KATNIP: variants seen among roughly 807,000 people sequenced by gnomAD.
KATNIP encodes katanin-interacting protein.
KATNIP carries 126 observed loss-of-function variants against 174.0 expected under a neutral mutation model. That is an observed-to-expected ratio of 0.72 (90% confidence interval 0.63 to 0.84). The LOEUF is 0.84. Ranked by LOEUF, KATNIP falls within the 40% of genes least tolerant of loss-of-function variation. The pLI, the probability that KATNIP is intolerant of heterozygous loss-of-function variation, is 0.00. For missense variants in KATNIP, 1,958 were observed against 2,109.7 expected, an observed-to-expected ratio of 0.93 and a Z score of 1.41; for synonymous variants, 810 against 835.7, an observed-to-expected ratio of 0.97 and a Z score of 0.53.
intron 6 of KATNIP, among the ~76,000 whole-genome samples, chr16:27,668,188 T>A (rs2077754035): frequency 6.6e-6 from 1 of 152,190 alleles, no homozygotes; most frequent in African/African-American, 2.4e-5. Flanking sequence ...GGAATAAACA[T>A]GATCACATGG....
intron 2 of KATNIP, among the ~76,000 whole-genome samples, chr16:27,581,091 C>G (rs1246526968): frequency 6.6e-6 from 1 of 151,972 alleles, no homozygotes; most frequent in African/African-American, 2.4e-5. Context: ...TGTATGTGTA[C>G]AGCAAAATAT....
At chr16:27,550,363 C>T (rs1180407959) in intron 1 of KATNIP, among the ~76,000 whole-genome samples, 186 bp downstream of exon 1, 1 of 152,066 alleles carries the variant, frequency 6.6e-6, no homozygotes, top group Non-Finnish European at 1.5e-5. Context: ...GGGGAGTGGT[C>T]AGTGCTGTGA....
intron 2 of KATNIP, among the ~76,000 whole-genome samples, chr16:27,595,452 A>G (rs187869878): frequency 4.1e-4 from 62 of 152,298 alleles, no homozygotes; most frequent in Non-Finnish European, 7.5e-4. Flanking sequence ...AGTGTGGGGG[A>G]CCAGCAAGTT....
intron 8 of KATNIP, among the ~76,000 whole-genome samples, chr16:27,696,722 A>C (rs926530668): frequency 1.4e-5 from 2 of 143,632 alleles, no homozygotes; most frequent in East Asian, 4.0e-4. Flanking sequence ...AGTATTCCAC[A>C]TTTTTTTTCT....
chr16:27,708,604 T>G, intron 12 of KATNIP, 101 bp from the exon 13 acceptor site: 1 of 818,334 alleles, frequency 1.2e-6, no homozygotes, highest in South Asian at 1.7e-5. Flanking sequence ...ACTGAGACCC[T>G]GAAGGTTAAC....
intron 2 of KATNIP, among the ~76,000 whole-genome samples, chr16:27,604,220 T>C (rs1407952301): frequency 6.6e-6 from 1 of 152,202 alleles, no homozygotes; most frequent in Non-Finnish European, 1.5e-5. Flanking sequence ...CGCCTCAGCC[T>C]CCCAAGTAGC....
chr16:27,766,277 G>A (rs771747880), intron 19 of KATNIP, 32 bp from the exon 20 acceptor site: 30 of 1,608,500 alleles, frequency 1.9e-5, no homozygotes, highest in Admixed American at 8.4e-5. Context: ...CCACTGAGCC[G>A]CCCCCCTGCC....
chr16:27,697,109 T>A (rs1490361201), intron 8 of KATNIP, among the ~76,000 whole-genome samples: 1 of 152,224 alleles, frequency 6.6e-6, no homozygotes, highest in Non-Finnish European at 1.5e-5. Flanking sequence ...TAGTGCTAGA[T>A]GAACAGACAT....
intron 10 of KATNIP, among the ~76,000 whole-genome samples, chr16:27,701,208 A>T (rs1450954090): frequency 1.3e-5 from 2 of 151,906 alleles, no homozygotes; most frequent in Non-Finnish European, 2.9e-5. Flanking sequence ...CCCAGGCTGG[A>T]GTGCAGTGGC....
intron 13 of KATNIP, among the ~76,000 whole-genome samples, chr16:27,720,793 C>T (rs191175796): frequency 2.6e-5 from 4 of 152,226 alleles, no homozygotes; most frequent in South Asian, 2.1e-4. Flanking sequence ...CCAGCGTGGA[C>T]GCGTTTGGGA....
rs1304289449 is a variant in KATNIP at position 27,779,759 on chromosome 16, G to A, written c.*1130G>A. 2.6e-5 allele frequency: 4 copies of A among 152,054 alleles called. No individual in the cohort carries two copies. Among genetic ancestry groups the A allele is most frequent in the Admixed American group, 2.6e-4 (4 of 15,264 alleles). 9.4% of individuals were successfully genotyped at this position (152,054 alleles called of 1,614,324 possible). On this transcript the variant is annotated 3_prime_UTR_variant, in exon 28 of 28. Transcript: ENST00000261588. ...CTATATGCATCGATGTAACAAGCTC[G>A]GATCAGGGACCTAATTGGTTTCCCA...
chr16:27,566,123 T>C (rs1355052652), intron 1 of KATNIP, among the ~76,000 whole-genome samples: 2 of 151,702 alleles, frequency 1.3e-5, no homozygotes, highest in African/African-American at 2.4e-5. Flanking sequence ...CATGAGCCAC[T>C]GTGCCCCTCC....
At chr16:27,622,787 A>G (rs2076233328) in intron 3 of KATNIP, among the ~76,000 whole-genome samples, 1 of 152,224 alleles carries the variant, frequency 6.6e-6, no homozygotes, top group African/African-American at 2.4e-5. Context: ...TGTCTGAGCC[A>G]GCGCTTTAAC....
rs1490898682 is a variant in KATNIP at position 27,704,347 on chromosome 16, G to C, written c.1389+349G>C. Among the ~76,000 whole-genome samples the C allele has an allele frequency of 2.0e-5, 3 of 152,202 alleles. No homozygotes were observed. The South Asian group carries it at 6.2e-4, about 32-fold the overall frequency. ...AGCTCTGAATTGACAAATTATTTCTGATGATAACCTCTAGTGCTAGCAAGG... is the reference window on the plus strand; with the variant it reads ...AGCTCTGAATTGACAAATTATTTCTCATGATAACCTCTAGTGCTAGCAAGG... On this transcript the variant is annotated intron_variant, in intron 12 of 27. Coordinates refer to ENST00000261588, the MANE Select transcript of KATNIP (RefSeq NM_015202.5).
intron 6 of KATNIP, among the ~76,000 whole-genome samples, chr16:27,653,987 T>G (rs2077192017): frequency 6.6e-6 from 1 of 151,976 alleles, no homozygotes; most frequent in South Asian, 2.1e-4. Context: ...ACTTATTTAT[T>G]TATTTAAAGA....
At chr16:27,666,173 ACT>A (rs2050613964) in intron 6 of KATNIP, among the ~76,000 whole-genome samples, 2 of 151,816 alleles carry the variant, frequency 1.3e-5, no homozygotes, top group South Asian at 4.2e-4. Context: ...GTCTTCTATC[ACT>A]CTCTTCCCTA....
intron 2 of KATNIP, among the ~76,000 whole-genome samples, chr16:27,588,625 C>T (rs182921835): frequency 1.2e-3 from 181 of 151,994 alleles, no homozygotes; most frequent in Non-Finnish European, 2.1e-3. Flanking sequence ...TGCCTGGCTC[C>T]ATCCATGTTT....
In KATNIP at chr16:27,776,996, G is replaced by A. The variant is rs750384923; in HGVS notation, c.4518G>A (p.Ala1506=). ...TVSMIKLWNY[A]KTPHRGVKEF... is the part of the protein sequence containing the mutation. The stretch of plus-strand genomic sequence containing the variant: ...CAATGATCAAACTGTGGAATTATGC[G>A]AAAACACCCCATCGAGGGGTGAAGG... The change falls in exon 25 of 28, where the codon GCG becomes GCA. Residue 1506 remains alanine (A), a synonymous_variant. Transcript: ENST00000261588. This position sits in a 1 kb window ranked among gnomAD's most constrained non-coding sequence, Gnocchi z 4.7. The A allele has an allele frequency of 2.0e-5, 33 of 1,613,502 alleles. No individual in the cohort carries two copies. The South Asian group carries it at 2.4e-4, about 12-fold the overall frequency.
intron 2 of KATNIP, among the ~76,000 whole-genome samples, chr16:27,611,204 T>C (rs1395298303): frequency 6.6e-6 from 1 of 152,196 alleles, no homozygotes; most frequent in Non-Finnish European, 1.5e-5. Context: ...CAAGTTGGTA[T>C]CTGAATATAC....
Sources: allele counts gnomAD v4.1 joint callset (sites outside exome capture counted in the v4.1 genomes callset), GRCh38; gene constraint gnomAD v4.1.1; non-coding constraint Gnocchi (gnomAD v3.1); transcripts MANE v1.5; gene names NCBI Gene and HGNC (gene_info 2026-07-23, HGNC 2026-07-21).